Variants in NME8 observed in about 807,000 individuals in gnomAD.
NME8 encodes protein NME8.
A neutral mutation model predicts 82.3 loss-of-function variants in NME8; 72 were observed. The observed-to-expected ratio is 0.87, with a 90% confidence interval of 0.72 to 1.06. NME8 has a LOEUF of 1.06. Among genes scored for constraint, NME8 ranks in the 50% least tolerant of loss-of-function variants. The pLI is 0.00. For synonymous variants in NME8, 267 were observed against 228.5 expected, an observed-to-expected ratio of 1.17 and a Z score of -1.52; for missense variants, 712 against 685.4, an observed-to-expected ratio of 1.04 and a Z score of -0.43.
At chr7:37,899,839 TC>T (rs1163027882) in intron 17 of NME8, among the ~76,000 whole-genome samples, 1 of 152,026 alleles carries the variant, frequency 6.6e-6, no homozygotes, top group Non-Finnish European at 1.5e-5. Context: ...CCCCAGCTGC[TC>T]CCCCAGGCCA....
intron 11 of NME8, among the ~76,000 whole-genome samples, chr7:37,871,971 T>C (rs769870072): frequency 2.6e-5 from 4 of 152,036 alleles, no homozygotes; most frequent in Non-Finnish European, 5.9e-5. Flanking sequence ...GAAGCTTAAC[T>C]GATAAGCAGC....
At chr7:37,888,192 GATAA>G in intron 14 of NME8, 81 bp from the exon 15 acceptor site, 1 of 1,365,218 alleles carries the variant, frequency 7.3e-7, no homozygotes, top group African/African-American at 1.4e-5. Context: ...GCTGTTATTT[GATAA>G]CTTTTGAACA....
intron 5 of NME8, among the ~76,000 whole-genome samples, chr7:37,856,907 GA>G (rs1247897201): frequency 6.6e-6 from 1 of 152,156 alleles, no homozygotes; most frequent in Admixed American, 6.6e-5. Flanking sequence ...TGCCTTGGGA[GA>G]GGGGCAGTAA....
In NME8 at chr7:37,894,488, G is replaced by A. The variant is rs1470635243; in HGVS notation, c.1422G>A (p.Lys474=). The A allele has an allele frequency of 1.2e-6, 2 of 1,613,024 alleles. No homozygotes were observed. Among genetic ancestry groups the A allele is most frequent in the South Asian group, 1.1e-5 (1 of 91,036 alleles). Residue 474 remains lysine, a synonymous_variant, in exon 16 of 18, where the codon AAG becomes AAA. Transcript: ENST00000199447. Reference sequence around the variant, plus strand: ...TAGAGCAGATCCTGAAGATAGTTAAGGAGGCTGGATTTGATCTGACACAGG... The same window carrying A: ...TAGAGCAGATCCTGAAGATAGTTAAAGAGGCTGGATTTGATCTGACACAGG... ...EQREQILKIV[K]EAGFDLTQVK... is the part of the protein sequence containing the mutation.
chr7:37,877,094 T>C, intron 12 of NME8, 87 bp downstream of exon 12: 1 of 1,139,732 alleles, frequency 8.8e-7, no homozygotes, highest in Non-Finnish European at 1.3e-6. Context: ...AAGACATTGT[T>C]TTAAAATTTA....
At chr7:37,884,227 G>C in intron 12 of NME8, 76 bp from the exon 13 acceptor site, 1 of 1,033,380 alleles carries the variant, frequency 9.7e-7, no homozygotes, top group Non-Finnish European at 1.5e-6. Flanking sequence ...ATGCCCTCAT[G>C]ATAGTATATT....
At position 37,897,028 on chromosome 7, in the gene NME8, C is replaced by T. The variant is rs749049858; in HGVS notation, c.1703C>T (p.Ala568Val). Residue 568 changes from alanine (A) to valine (V), a missense_variant, in exon 17 of 18, where the codon GCA (alanine) becomes GTA (valine). Transcript: ENST00000199447. Reference protein sequence around the residue: ...ISKLKNIVHGASNAYEAKEVV... With the variant: ...ISKLKNIVHGVSNAYEAKEVV... ...AAATTGAAAAACATTGTCCATGGAG[C>T]ATCTAACGCCTATGAAGCAAAAGAG... 5.0e-6 allele frequency: 8 copies of T among 1,613,866 alleles called. No homozygotes were observed. Among genetic ancestry groups the T allele is most frequent in the South Asian group, 2.2e-5 (2 of 91,082 alleles).
intron 11 of NME8, among the ~76,000 whole-genome samples, chr7:37,876,618 T>A (rs1422532573): frequency 6.6e-6 from 1 of 152,180 alleles, no homozygotes; most frequent in Non-Finnish European, 1.5e-5. Flanking sequence ...ATAGATAATA[T>A]CATGTAAGTA....
intron 9 of NME8, 84 bp from the exon 10 acceptor site, chr7:37,865,441 G>T: frequency 1.1e-6 from 1 of 893,868 alleles, no homozygotes; most frequent in Non-Finnish European, 1.9e-6. Context: ...AAAGCTGGTG[G>T]TTTGTTAAGC....
chr7:37,875,003 G>A (rs1784825323), intron 11 of NME8, among the ~76,000 whole-genome samples: 1 of 152,134 alleles, frequency 6.6e-6, no homozygotes, highest in Non-Finnish European at 1.5e-5. Flanking sequence ...GGACCAAGAA[G>A]GACGCAGGCT....
chr7:37,876,416 A>G (rs986350714), intron 11 of NME8, among the ~76,000 whole-genome samples: 1 of 112,608 alleles, frequency 8.9e-6, no homozygotes, highest in African/African-American at 4.4e-5. Flanking sequence ...TTGGAAATAA[A>G]CAATAAAAAG....
chr7:37,879,186 T>C (rs529008334), intron 12 of NME8, among the ~76,000 whole-genome samples: 151 of 152,262 alleles, frequency 9.9e-4, no homozygotes, highest in African/African-American at 3.5e-3. Context: ...TCTTGCTCTG[T>C]CACCCAGGCT....
At chr7:37,859,096 A>G (rs1034385934) in intron 6 of NME8, among the ~76,000 whole-genome samples, 61 of 152,148 alleles carry the variant, frequency 4.0e-4, no homozygotes, top group African/African-American at 1.4e-3. Flanking sequence ...GTTTGAGCCA[A>G]ATAAATTTTT....
intron 13 of NME8, among the ~76,000 whole-genome samples, chr7:37,884,759 G>T (rs1407568932): frequency 6.6e-6 from 1 of 152,222 alleles, no homozygotes; most frequent in Admixed American, 6.5e-5. Flanking sequence ...ACTCTCAAGA[G>T]CTTTTGTAAT....
chr7:37,865,029 C>A (rs1456601731), intron 9 of NME8, among the ~76,000 whole-genome samples: 1 of 152,108 alleles, frequency 6.6e-6, no homozygotes, highest in Non-Finnish European at 1.5e-5. Flanking sequence ...GGGACAGAGC[C>A]AAACCATATC....
chr7:37,858,089 G>A (rs894989238), intron 6 of NME8, among the ~76,000 whole-genome samples: 2 of 152,046 alleles, frequency 1.3e-5, no homozygotes, highest in Non-Finnish European at 1.5e-5. Flanking sequence ...TAATTAGAAA[G>A]ACATAAATAG....
At chr7:37,871,707 T>C (rs1333768406) in intron 11 of NME8, among the ~76,000 whole-genome samples, 1 of 152,162 alleles carries the variant, frequency 6.6e-6, no homozygotes, top group Non-Finnish European at 1.5e-5. Flanking sequence ...TCCAACCACC[T>C]CTACTATATT....
chr7:37,851,064 A>G (rs1784432838), intron 5 of NME8, among the ~76,000 whole-genome samples: 1 of 152,210 alleles, frequency 6.6e-6, no homozygotes, highest in African/African-American at 2.4e-5. Flanking sequence ...AAAGCTGTTT[A>G]CTGGGTATCA....
At chr7:37,864,538 C>CATT in intron 9 of NME8, 117 bp downstream of exon 9, 1 of 1,047,714 alleles carries the variant, frequency 9.5e-7, no homozygotes, top group Non-Finnish European at 1.4e-6. Flanking sequence ...ACTACTGGTG[C>CATT]TAGGTACCTC....
Sources: gnomAD v4.1 joint callset for allele counts (sites outside exome capture counted in the v4.1 genomes callset) on GRCh38, gnomAD v4.1.1 for gene constraint, MANE v1.5 for transcripts, NCBI Gene and HGNC (gene_info 2026-07-23, HGNC 2026-07-21) for gene names.